The following LRRIQ3 variants were observed in gnomAD, a reference collection of about 807,000 sequenced individuals.
LRRIQ3 encodes the protein leucine-rich repeat and IQ domain-containing protein 3.
Under a neutral mutation model 59.3 loss-of-function variants are expected in LRRIQ3, and 75 were observed. The ratio of observed to expected loss-of-function variants is 1.26; its 90% CI spans 1.05 to 1.53. The LOEUF (loss-of-function observed/expected upper bound fraction) is 1.53. LRRIQ3 is among the 40% of genes most tolerant of loss of function. LRRIQ3 has a pLI of 0.00. For synonymous variants in LRRIQ3, 250 were observed against 231.3 expected (o/e 1.08, Z -0.73); for missense variants, 831 against 710.0 (o/e 1.17, Z -1.94).
At chr1:74,134,163 T>C (rs942266557) in intron 4 of LRRIQ3, among the ~76,000 whole-genome samples, 1 of 152,046 alleles carries the variant, frequency 6.6e-6, no homozygotes, top group African/African-American at 2.4e-5. Context: ...AACTCCTCTT[T>C]CCAAAGAGTA....
intron 7 of LRRIQ3, among the ~76,000 whole-genome samples, chr1:74,029,616 A>G (rs965973413): frequency 6.6e-6 from 1 of 151,846 alleles, no homozygotes; most frequent in African/African-American, 2.4e-5. Flanking sequence ...TTTATTGAGG[A>G]TTTTTGCATC....
At chr1:74,101,498 T>G (rs1646533021) in intron 5 of LRRIQ3, among the ~76,000 whole-genome samples, 1 of 152,186 alleles carries the variant, frequency 6.6e-6, no homozygotes, top group South Asian at 2.1e-4. Context: ...GAAGACAGTG[T>G]AGTGATTCCT....
At chr1:74,166,557 T>C (rs2100690606) in intron 3 of LRRIQ3, among the ~76,000 whole-genome samples, 1 of 151,942 alleles carries the variant, frequency 6.6e-6, no homozygotes, top group East Asian at 1.9e-4. Context: ...TCACTCCTTA[T>C]CATTTTGTTC....
At chr1:74,131,013 G>A (rs937146092) in intron 4 of LRRIQ3, among the ~76,000 whole-genome samples, 1 of 151,852 alleles carries the variant, frequency 6.6e-6, no homozygotes, top group Non-Finnish European at 1.5e-5. Flanking sequence ...AAAGAAAGAA[G>A]AATCAAATAG....
chr1:74,194,201 G>A (rs946774901), intron 1 of LRRIQ3, among the ~76,000 whole-genome samples: 1 of 151,946 alleles, frequency 6.6e-6, no homozygotes, highest in Non-Finnish European at 1.5e-5. Context: ...TGGGTGAAAG[G>A]TTGTCTCTAA....
chr1:74,069,930 A>G (rs1329896149), intron 6 of LRRIQ3, among the ~76,000 whole-genome samples: 1 of 152,092 alleles, frequency 6.6e-6, no homozygotes, highest in Admixed American at 6.6e-5. Context: ...ATGAAATGCC[A>G]TCTCGCATTA....
intron 4 of LRRIQ3, among the ~76,000 whole-genome samples, chr1:74,136,743 C>T (rs1253981068): frequency 6.6e-6 from 1 of 151,882 alleles, no homozygotes; most frequent in Non-Finnish European, 1.5e-5. Context: ...ATTTTGCTAA[C>T]TGTAAATGCA....
intron 7 of LRRIQ3, among the ~76,000 whole-genome samples, chr1:74,030,293 G>A (rs1158394061): frequency 2.6e-5 from 4 of 152,012 alleles, no homozygotes; most frequent in African/African-American, 7.2e-5. Context: ...AAAAGAGCCC[G>A]CAATGCCAAG....
intron 3 of LRRIQ3, among the ~76,000 whole-genome samples, chr1:74,161,192 T>C (rs1557646553): frequency 6.6e-6 from 1 of 151,886 alleles, no homozygotes; most frequent in Non-Finnish European, 1.5e-5. Context: ...GGGGCCTCTT[T>C]ACAAAGAACA....
intron 6 of LRRIQ3, among the ~76,000 whole-genome samples, chr1:74,047,798 T>C (rs1374108224): frequency 6.6e-6 from 1 of 152,084 alleles, no homozygotes; most frequent in Non-Finnish European, 1.5e-5. Context: ...TATGGTATTT[T>C]GTTATAACAG....
At chr1:74,176,189 T>C (rs1649629397) in intron 3 of LRRIQ3, among the ~76,000 whole-genome samples, 1 of 152,164 alleles carries the variant, frequency 6.6e-6, no homozygotes. Flanking sequence ...TATCTGAGTA[T>C]ATATTAATTC....
intron 4 of LRRIQ3, among the ~76,000 whole-genome samples, chr1:74,146,875 T>A (rs779366294): frequency 3.3e-5 from 5 of 152,226 alleles, no homozygotes; most frequent in African/African-American, 1.2e-4. Context: ...AGTAGGATAG[T>A]TGATTAGACC....
At chr1:74,130,874 C>T (rs1376351438) in intron 4 of LRRIQ3, among the ~76,000 whole-genome samples, 4 of 152,006 alleles carry the variant, frequency 2.6e-5, no homozygotes, top group Non-Finnish European at 4.4e-5. Flanking sequence ...CAAGAAATAA[C>T]TAAGATCAGA....
rs565997269 is a variant in LRRIQ3, at chr1:74,055,337, A to C, written c.998-13404T>G. 2.6e-5 allele frequency among the ~76,000 whole-genome samples: 4 copies of C among 151,902 alleles called. No individual in the cohort carries two copies. The South Asian group carries it at 8.3e-4, about 31-fold the overall frequency. Reference sequence around the variant, plus strand: ...CACCGTAGAAAGAAAGCAGGTATCTATTAGCAGTCATTTCTTGTTCCCCCC... The same window carrying C: ...CACCGTAGAAAGAAAGCAGGTATCTCTTAGCAGTCATTTCTTGTTCCCCCC... On this transcript the variant is annotated intron_variant, in intron 6 of 7. Coordinates refer to ENST00000354431, the MANE Select transcript of LRRIQ3 (RefSeq NM_001105659.2).
At chr1:74,100,216 A>G (rs186136551) in intron 5 of LRRIQ3, among the ~76,000 whole-genome samples, 1 of 151,908 alleles carries the variant, frequency 6.6e-6, no homozygotes, top group Non-Finnish European at 1.5e-5. Context: ...AAGTCTCAGG[A>G]TACAAAATCA....
At chr1:74,164,338 A>G (rs934402718) in intron 3 of LRRIQ3, among the ~76,000 whole-genome samples, 1 of 151,456 alleles carries the variant, frequency 6.6e-6, no homozygotes, top group Non-Finnish European at 1.5e-5. Context: ...CTCTAATACA[A>G]TATGACTGGT....
chr1:74,157,266 C>T (rs1648392527), intron 3 of LRRIQ3, among the ~76,000 whole-genome samples: 1 of 152,050 alleles, frequency 6.6e-6, no homozygotes, highest in African/African-American at 2.4e-5. Flanking sequence ...AACTCCCCTC[C>T]ATTCTCTGTA....
chr1:74,174,664 G>A (rs1165058749), intron 3 of LRRIQ3, among the ~76,000 whole-genome samples: 3 of 151,782 alleles, frequency 2.0e-5, no homozygotes, highest in East Asian at 3.9e-4. Context: ...AAAGTGCTGG[G>A]ATTACAGGCA....
intron 4 of LRRIQ3, among the ~76,000 whole-genome samples, chr1:74,142,924 A>G (rs887084594): frequency 1.3e-5 from 2 of 152,020 alleles, no homozygotes; most frequent in Non-Finnish European, 2.9e-5. Flanking sequence ...GAAGATAGCA[A>G]TAAAGCTGTC....
Sources: gnomAD v4.1 joint callset for allele counts (sites outside exome capture counted in the v4.1 genomes callset) on GRCh38, gnomAD v4.1.1 for gene constraint, MANE v1.5 for transcripts, NCBI Gene and HGNC (gene_info 2026-07-23, HGNC 2026-07-21) for gene names.